The following SPRYD3 variants were observed in gnomAD, a reference collection of about 807,000 sequenced individuals.
The protein encoded by SPRYD3 is SPRY domain-containing protein 3.
SPRYD3 carries 17 observed loss-of-function variants against 50.1 expected under a neutral mutation model. The observed-to-expected ratio is 0.34, with a 90% CI of 0.23 to 0.51. The LOEUF (loss-of-function observed/expected upper bound fraction) is 0.51. Among genes scored for constraint, SPRYD3 ranks in the 20% least tolerant of loss-of-function variants. The pLI, the probability that SPRYD3 is intolerant of heterozygous loss-of-function variation, is 0.97. For synonymous variants in SPRYD3, 198 were observed against 215.5 expected (o/e 0.92, Z 0.71); for missense variants, 401 against 591.2 (o/e 0.68, Z 3.34).
chr12:53,068,330 T>A, intron 6 of SPRYD3, 26 bp from the exon 7 acceptor site: 1 of 1,611,752 alleles, frequency 6.2e-7, no homozygotes, highest in Non-Finnish European at 8.5e-7. Flanking sequence ...CAGATGGGGG[T>A]CAGGGGACAG....
At chr12:53,077,413 A>G (rs1944597256) in intron 1 of SPRYD3, 152 bp from the exon 2 acceptor site, 2 of 740,808 alleles carry the variant, frequency 2.7e-6, no homozygotes, top group Non-Finnish European at 4.3e-6. Context: ...CCATTCAACA[A>G]ACATTTACCA....
rs1944495545 is a variant in SPRYD3, at chr12:53,065,449, C to G, written c.*383G>C. The G allele has an allele frequency of 5.2e-6, 1 of 190,752 alleles. No homozygotes were observed. The highest frequency in any genetic ancestry group is 2.3e-5 in the African/African-American group (1 of 43,038). The allele number at this position is 190,752 out of a possible 1,614,324, so 11.8% of individuals were successfully genotyped here. ...GGTGAGTAGGGGAGGGGGCTGTCTA[C>G]TCTACCCTCTACAAAGCATCATGCC... On this transcript the variant is annotated 3_prime_UTR_variant, in exon 11 of 11. Transcript: ENST00000301463.
intron 6 of SPRYD3, among the ~76,000 whole-genome samples, chr12:53,069,828 G>A (rs1463669789): frequency 6.6e-6 from 1 of 152,144 alleles, no homozygotes; most frequent in Non-Finnish European, 1.5e-5. Flanking sequence ...GCAGCCCCCA[G>A]CCCACCCTCT....
Position 53,066,226 on chromosome 12 carries a change from C to A in SPRYD3, c.1194+88G>T, listed in dbSNP as rs539195911. The stretch of plus-strand genomic sequence containing the variant: ...ACGCCAGAGCTTCCCGTCTTTCCCA[C>A]CCTGGTTGTGAGTTCTGTTCCCCAC... On this transcript the variant is annotated intron_variant, in intron 10 of 10. Transcript: ENST00000301463. 191 of 1,552,532 alleles carry A rather than the reference C, an allele frequency of 1.2e-4. 3 individuals are homozygous for A. The South Asian group carries it at 2.3e-3, about 18-fold the overall frequency.
chr12:53,073,284 A>G lies in SPRYD3; in HGVS notation c.693+2T>C. 1 of 255,098 alleles carries G rather than the reference A, an allele frequency of 3.9e-6. No individual in the cohort carries two copies. The highest frequency in any genetic ancestry group is 7.6e-6 in the Non-Finnish European group (1 of 130,902). The allele number at this position is 255,098 out of a possible 1,614,324, so 15.8% of individuals were successfully genotyped here. On this transcript the variant is annotated splice_donor_variant, in intron 6 of 10. Transcript: ENST00000301463. LOFTEE classifies it high-confidence loss of function. ...CCTCCCACCCTCCCACCCGCTACTT[A>G]CAGTCCCACAGACTCTGACATCATG...
At chr12:53,075,347 GA>G (rs1251903665) in intron 3 of SPRYD3, 128 bp from the exon 4 acceptor site, 30 of 983,378 alleles carry the variant, frequency 3.1e-5, no homozygotes, top group Non-Finnish European at 4.5e-5. Flanking sequence ...TGGGAATCAG[GA>G]AAAAAGATAA....
intron 6 of SPRYD3, among the ~76,000 whole-genome samples, chr12:53,071,949 G>A (rs1193257955): frequency 6.6e-6 from 1 of 152,038 alleles, no homozygotes; most frequent in Non-Finnish European, 1.5e-5. Flanking sequence ...TGAAGGTGTT[G>A]GGGGGAGGGT....
intron 6 of SPRYD3, among the ~76,000 whole-genome samples, chr12:53,070,653 T>G (rs1046525895): frequency 6.6e-6 from 1 of 152,248 alleles, no homozygotes; most frequent in African/African-American, 2.4e-5. Context: ...GAAGACTTAA[T>G]GAAGTGACCA....
In SPRYD3 at chr12:53,074,823, G is replaced by A; in HGVS notation, c.372-39C>T. The A allele has an allele frequency of 6.2e-7, 1 of 1,609,782 alleles. No individual in the cohort carries two copies. The highest frequency in any genetic ancestry group is 8.5e-7 in the Non-Finnish European group (1 of 1,176,772). On this transcript the variant is annotated intron_variant, in intron 4 of 10. Coordinates refer to ENST00000301463, the MANE Select transcript of SPRYD3 (RefSeq NM_032840.3). The surrounding 1 kb of genome is among the most constrained non-coding windows in gnomAD (Gnocchi z 4.6). The stretch of plus-strand genomic sequence containing the variant: ...AGTACAGACACAGGACCCGAGCCTG[G>A]CCTCCCAACTTCTCCCCAGCACTGA...
chr12:53,076,064 A>G (rs2121208866), intron 2 of SPRYD3, among the ~76,000 whole-genome samples: 1 of 152,312 alleles, frequency 6.6e-6, no homozygotes, highest in South Asian at 2.1e-4. Context: ...CAGGAGGAAA[A>G]GAATGTAGAG....
chr12:53,068,333 G>C, intron 6 of SPRYD3, 29 bp from the exon 7 acceptor site: 1 of 1,611,722 alleles, frequency 6.2e-7, no homozygotes, highest in Non-Finnish European at 8.5e-7. Context: ...ATGGGGGTCA[G>C]GGGACAGGCT....
chr12:53,071,970 G>A (rs1023551730), intron 6 of SPRYD3, among the ~76,000 whole-genome samples: 6 of 152,134 alleles, frequency 3.9e-5, no homozygotes, highest in African/African-American at 9.7e-5. Context: ...GGGGAGGAAG[G>A]AAGGCTATTT....
chr12:53,065,620 G>A lies in SPRYD3; in HGVS notation c.*212C>T. 1 of 553,400 alleles carries A rather than the reference G, an allele frequency of 1.8e-6. No individual in the cohort carries two copies. Among genetic ancestry groups the A allele is most frequent in the South Asian group, 2.6e-5 (1 of 38,410 alleles). The allele number at this position is 553,400 out of a possible 1,614,324, so 34.3% of individuals were successfully genotyped here. ...CTTTGGGTCCATTCCTGTCCAACCA[G>A]GGACTCAGGCCCAGGGACTGACAAC... On this transcript the variant is annotated 3_prime_UTR_variant, in exon 11 of 11. Transcript: ENST00000301463.
At chr12:53,070,599 CA>C (rs1395945625) in intron 6 of SPRYD3, among the ~76,000 whole-genome samples, 3 of 152,206 alleles carry the variant, frequency 2.0e-5, no homozygotes, top group African/African-American at 7.2e-5. Flanking sequence ...GTTTCTTCAA[CA>C]GTAAACTGGG....
intron 3 of SPRYD3, 67 bp downstream of exon 3, chr12:53,075,668 CT>C: frequency 2.4e-6 from 3 of 1,274,310 alleles, no homozygotes; most frequent in Non-Finnish European, 3.4e-6. Flanking sequence ...AGTAAAGGAG[CT>C]TCTTGGGGCT....
chr12:53,077,920 C>T (rs554651608), intron 1 of SPRYD3: 5 of 271,020 alleles, frequency 1.8e-5, no homozygotes, highest in East Asian at 2.1e-4. Context: ...GGTATGATGG[C>T]TCATGCCTGC....
At chr12:53,078,715 G>A (rs1309417558) in intron 1 of SPRYD3, among the ~76,000 whole-genome samples, 1 of 152,178 alleles carries the variant, frequency 6.6e-6, no homozygotes, top group Non-Finnish European at 1.5e-5. Flanking sequence ...ATAAATGAAT[G>A]AATGATTTTT....
chr12:53,071,692 C>T (rs1283871129), intron 6 of SPRYD3, among the ~76,000 whole-genome samples: 1 of 149,380 alleles, frequency 6.7e-6, no homozygotes, highest in African/African-American at 2.5e-5. Context: ...AACCAGCACT[C>T]CAGTCTGGGT....
chr12:53,066,536 C>T (rs749276825), intron 9 of SPRYD3, 37 bp downstream of exon 9: 2 of 1,613,870 alleles, frequency 1.2e-6, no homozygotes, highest in East Asian at 2.2e-5. Context: ...CACCCTCGGC[C>T]CCAAGCAGCC....
Sources: allele counts gnomAD v4.1 joint callset (sites outside exome capture counted in the v4.1 genomes callset), GRCh38; gene constraint gnomAD v4.1.1; non-coding constraint Gnocchi (gnomAD v3.1); transcripts MANE v1.5; gene names NCBI Gene and HGNC (gene_info 2026-07-23, HGNC 2026-07-21).